GNA15: variants seen among roughly 807,000 people sequenced by gnomAD.
The protein encoded by GNA15 is G protein subunit alpha 15, also known as guanine nucleotide-binding protein subunit alpha-15.
Under a neutral mutation model 40.1 loss-of-function variants are expected in GNA15, and 23 were observed. The ratio of observed to expected loss-of-function variants is 0.57; its 90% CI spans 0.41 to 0.81. The LOEUF (loss-of-function observed/expected upper bound fraction) is 0.81. Among genes scored for constraint, GNA15 ranks in the 40% least tolerant of loss-of-function variants. The pLI, the probability that GNA15 is intolerant of heterozygous loss-of-function variation, is 0.00. For missense variants in GNA15, 522 were observed against 515.8 expected (o/e 1.01, Z -0.12); for synonymous variants, 226 against 210.4 (o/e 1.07, Z -0.64).
chr19:3,148,102 T>G (rs959267031), intron 1 of GNA15, among the ~76,000 whole-genome samples: 6 of 152,050 alleles, frequency 3.9e-5, no homozygotes, highest in South Asian at 4.1e-4. Flanking sequence ...GTTTTGTTTT[T>G]TTTTGAGACA....
intron 1 of GNA15, among the ~76,000 whole-genome samples, chr19:3,142,679 C>G (rs1168569315): frequency 6.6e-6 from 1 of 152,040 alleles, no homozygotes; most frequent in African/African-American, 2.4e-5. Context: ...CAAGACCAGT[C>G]TGGCCAACAT....
chr19:3,159,352 T>C (rs1430034759), intron 6 of GNA15, among the ~76,000 whole-genome samples: 2 of 148,844 alleles, frequency 1.3e-5, no homozygotes, highest in African/African-American at 5.0e-5. Flanking sequence ...TTTTCTTTTT[T>C]TTTTTTTTTT....
chr19:3,147,474 A>T (rs1020676352), intron 1 of GNA15, among the ~76,000 whole-genome samples: 1 of 151,652 alleles, frequency 6.6e-6, no homozygotes, highest in Non-Finnish European at 1.5e-5. Flanking sequence ...AATCACTTGA[A>T]CCTGGGAGCC....
At chr19:3,159,210 G>C (rs536812063) in intron 6 of GNA15, among the ~76,000 whole-genome samples, 5 of 150,936 alleles carry the variant, frequency 3.3e-5, no homozygotes, top group Admixed American at 6.6e-5. Context: ...ATTTTTGGTC[G>C]AGATGGGGTT....
chr19:3,139,172 CT>C, intron 1 of GNA15, among the ~76,000 whole-genome samples: 1 of 151,602 alleles, frequency 6.6e-6, no homozygotes, highest in Admixed American at 6.6e-5. Flanking sequence ...TCTCGAACCC[CT>C]GACCTCAGGT....
chr19:3,162,354 C>A (rs1398672223), intron 6 of GNA15, among the ~76,000 whole-genome samples: 1 of 151,666 alleles, frequency 6.6e-6, no homozygotes, highest in African/African-American at 2.4e-5. Flanking sequence ...CCATTGCACT[C>A]CAGCCTGGGC....
At chr19:3,156,226 A>G (rs1280592421) in intron 5 of GNA15, among the ~76,000 whole-genome samples, 2 of 151,674 alleles carry the variant, frequency 1.3e-5, no homozygotes, top group African/African-American at 4.8e-5. Context: ...ACGCACATAC[A>G]CAATGCATGC....
At chr19:3,153,826 G>A (rs1020078663) in intron 4 of GNA15, among the ~76,000 whole-genome samples, 17 of 149,840 alleles carry the variant, frequency 1.1e-4, no homozygotes, top group African/African-American at 4.2e-4. Context: ...GAATAAATGG[G>A]TGAATGGGTG....
intron 5 of GNA15, 125 bp from the exon 6 acceptor site, chr19:3,157,603 G>GC (rs1915057555): frequency 1.3e-6 from 1 of 785,596 alleles, no homozygotes; most frequent in Non-Finnish European, 2.1e-6. Context: ...ACCCGCCTCA[G>GC]CCCCAGCCAG....
At chr19:3,146,369 G>A (rs1430708372) in intron 1 of GNA15, 1 of 152,412 alleles carries the variant, frequency 6.6e-6, no homozygotes, top group African/African-American at 2.4e-5. Context: ...TCAGAGCTTA[G>A]CGGGGGGCTG....
intron 1 of GNA15, among the ~76,000 whole-genome samples, chr19:3,145,359 A>ATATATACATT: frequency 1.9e-4 from 9 of 46,968 alleles, no homozygotes; most frequent in African/African-American, 6.4e-4. Context: ...ATATATATAT[A>ATATATACATT]TTTTTTTTTT....
chr19:3,140,867 C>A (rs190079144), intron 1 of GNA15, among the ~76,000 whole-genome samples: 1 of 152,306 alleles, frequency 6.6e-6, no homozygotes, highest in East Asian at 1.9e-4. Flanking sequence ...ACTCAGCCAG[C>A]CTCAAAGCAG....
intron 6 of GNA15, among the ~76,000 whole-genome samples, chr19:3,158,886 G>T (rs1265945207): frequency 2.6e-5 from 4 of 152,310 alleles, no homozygotes; most frequent in African/African-American, 9.6e-5. Context: ...ACCTACCTCA[G>T]CCTCCCAAAG....
Position 3,148,631 on chromosome 19 carries a change from G to A in GNA15, c.186G>A (p.Met62Ile), listed in dbSNP as rs1428444766. The A allele has an allele frequency of 1.9e-6, 3 of 1,588,294 alleles. No individual in the cohort carries two copies. The highest frequency in any genetic ancestry group is 1.3e-5 in the African/African-American group (1 of 74,536). Residue 62 changes from methionine to isoleucine, a missense_variant, in exon 2 of 7, where the codon ATG becomes ATA. By Grantham distance (10) the Met-to-Ile change is conservative. Coordinates refer to ENST00000262958, the MANE Select transcript of GNA15 (RefSeq NM_002068.4). ...GGAAGAGCACCTTCATCAAGCAGAT[G>A]CGGATCATCCACGGCGCCGGCTACT... ...ESGKSTFIKQ[M>I]RIIHGAGYSE...
rs4807415 is a variant in GNA15, at chr19:3,159,191, G to C, written c.898+1310G>C. Among the ~76,000 whole-genome samples the C allele has an allele frequency of 8.2e-3, 1,233 of 151,138 alleles. 12 individuals carry two copies. Among genetic ancestry groups the C allele is most frequent in the Non-Finnish European group, 9.7e-3 (654 of 67,770 alleles). On this transcript the variant is annotated intron_variant, in intron 6 of 6. Coordinates refer to ENST00000262958, the MANE Select transcript of GNA15 (RefSeq NM_002068.4). ...AGGTGCCCGCCAGAACGTCTGGCTA[G>C]TTTTTTGTATTTTTGGTCGAGATGG...
At chr19:3,149,967 G>A (rs1914837115) in intron 2 of GNA15, 164 bp from the exon 3 acceptor site, 3 of 592,936 alleles carry the variant, frequency 5.1e-6, no homozygotes, top group African/African-American at 3.8e-5. Context: ...AACAGACGGA[G>A]GACAAATCAG....
chr19:3,136,361 C>A lies in GNA15; in HGVS notation c.-90C>A. The A allele has an allele frequency of 7.4e-7, 1 of 1,347,492 alleles. No homozygotes were observed. Among genetic ancestry groups the A allele is most frequent in the Non-Finnish European group, 1.0e-6 (1 of 1,004,476 alleles). 83.5% of individuals were successfully genotyped at this position (1,347,492 alleles called of 1,614,324 possible). On this transcript the variant is annotated 5_prime_UTR_variant, in exon 1 of 7. Coordinates refer to ENST00000262958, the MANE Select transcript of GNA15 (RefSeq NM_002068.4). The surrounding 1 kb of genome is among the most constrained non-coding windows in gnomAD (Gnocchi z 4.9). ...TCCCTGCGCACCCGGTTGCCCGGAG[C>A]CCTCTCCAGGGCCGGCTGGGCTGGG... is the stretch of plus-strand genomic sequence containing the variant.
At chr19:3,154,070 G>A (rs1914944749) in intron 4 of GNA15, among the ~76,000 whole-genome samples, 1 of 151,198 alleles carries the variant, frequency 6.6e-6, no homozygotes, top group African/African-American at 2.4e-5. Flanking sequence ...GATGATGGAT[G>A]GATGAATAGA....
At chr19:3,160,357 C>G (rs1915115004) in intron 6 of GNA15, among the ~76,000 whole-genome samples, 1 of 152,196 alleles carries the variant, frequency 6.6e-6, no homozygotes, top group East Asian at 1.9e-4. Context: ...CTGTCTCCAT[C>G]TGGGGCCTCA....
Sources: gnomAD v4.1 joint callset for allele counts (sites outside exome capture counted in the v4.1 genomes callset) on GRCh38, gnomAD v4.1.1 for gene constraint, Gnocchi (gnomAD v3.1) non-coding constraint, MANE v1.5 for transcripts, NCBI Gene and HGNC (gene_info 2026-07-23, HGNC 2026-07-21) for gene names.